The following CTXND1 variants were observed in gnomAD, a reference collection of about 807,000 sequenced individuals.
CTXND1 encodes the protein cortexin domain-containing 1 protein.
At chr15:80,250,543 C>G (rs980376845) in intron 1 of CTXND1, among the ~76,000 whole-genome samples, 2 of 152,170 alleles carry the variant, frequency 1.3e-5, no homozygotes, top group African/African-American at 4.8e-5. Context: ...ACTGGGAAAA[C>G]TGATTGGGAA....
At chr15:80,226,173 T>C (rs750914318) in intron 1 of CTXND1, among the ~76,000 whole-genome samples, 7 of 152,182 alleles carry the variant, frequency 4.6e-5, no homozygotes, top group Non-Finnish European at 8.8e-5. Context: ...AATTGTCCAG[T>C]TGTAGTCAGT....
At chr15:80,218,338 C>A (rs1038974090) in intron 1 of CTXND1, among the ~76,000 whole-genome samples, 1 of 152,124 alleles carries the variant, frequency 6.6e-6, no homozygotes, top group African/African-American at 2.4e-5. Context: ...TGGAGTCTCG[C>A]TATGTTGCCT....
chr15:80,199,921 G>A lies in CTXND1; in HGVS notation c.*1849C>T, dbSNP rs1325068145. The A allele has an allele frequency of 3.9e-5, 6 of 152,312 alleles. No individual in the cohort carries two copies. Among genetic ancestry groups the A allele is most frequent in the Admixed American group, 2.6e-4 (4 of 15,284 alleles). The allele number at this position is 152,312 out of a possible 1,614,324, so 9.4% of individuals were successfully genotyped here. On this transcript the variant is annotated 3_prime_UTR_variant, in exon 3 of 3. Coordinates refer to ENST00000560778, the MANE Select transcript of CTXND1 (RefSeq NM_001352888.2). ...CAGGTCTCTTGGATGGGGATGGAAGGCCACAGCTTGGAGGGATGGAATAAA... is the reference window on the plus strand; with the variant it reads ...CAGGTCTCTTGGATGGGGATGGAAGACCACAGCTTGGAGGGATGGAATAAA...
chr15:80,199,005 A>T lies in CTXND1; in HGVS notation c.*2765T>A, dbSNP rs1451626635. On this transcript the variant is annotated 3_prime_UTR_variant, in exon 3 of 3. Transcript: ENST00000560778. ...AAAAAAATCTTGCATGAGGACAATG[A>T]TTAGAAGGGAATATATGGACACAAA... is the stretch of plus-strand genomic sequence containing the variant. 6.6e-6 allele frequency: 1 copy of T among 152,234 alleles called. No individual in the cohort carries two copies. Among genetic ancestry groups the T allele is most frequent in the Non-Finnish European group, 1.5e-5 (1 of 68,044 alleles). 9.4% of individuals were successfully genotyped at this position (152,234 alleles called of 1,614,324 possible). A position where few individuals can be genotyped will look rare whatever the true frequency, so the allele number is the denominator to read the frequency against.
At chr15:80,225,375 G>A (rs1439661421) in intron 1 of CTXND1, among the ~76,000 whole-genome samples, 1 of 151,822 alleles carries the variant, frequency 6.6e-6, no homozygotes, top group Non-Finnish European at 1.5e-5. Flanking sequence ...CATCTGGTGG[G>A]CACCTTTTAT....
chr15:80,205,272 A>G (rs1462524480), intron 1 of CTXND1, among the ~76,000 whole-genome samples: 1 of 152,158 alleles, frequency 6.6e-6, no homozygotes, highest in Non-Finnish European at 1.5e-5. Flanking sequence ...AGAATTTCCA[A>G]TCTTTTGTTT....
rs1324983142 is a variant in CTXND1, at chr15:80,201,280, C to A, written c.*490G>T. On this transcript the variant is annotated 3_prime_UTR_variant, in exon 3 of 3. Coordinates refer to ENST00000560778, the MANE Select transcript of CTXND1 (RefSeq NM_001352888.2). ...GAGACTCCCTCAACCCGCTTTCCCC[C>A]CTCACTGCCACACCACTGCTAGTCC... is the stretch of plus-strand genomic sequence containing the variant. 4 of 152,864 alleles carry A rather than the reference C, an allele frequency of 2.6e-5. No homozygotes were observed. The highest frequency in any genetic ancestry group is 5.8e-5 in the Non-Finnish European group (4 of 68,502). The allele number at this position is 152,864 out of a possible 1,614,324, so 9.5% of individuals were successfully genotyped here.
At chr15:80,248,245 A>G (rs1202527282) in intron 1 of CTXND1, among the ~76,000 whole-genome samples, 1 of 152,214 alleles carries the variant, frequency 6.6e-6, no homozygotes, top group Non-Finnish European at 1.5e-5. Flanking sequence ...CAGGCAGCCC[A>G]ACCTGGGAAC....
At chr15:80,251,399 T>G (rs1291168614) in intron 1 of CTXND1, among the ~76,000 whole-genome samples, 1 of 152,200 alleles carries the variant, frequency 6.6e-6, no homozygotes, top group Admixed American at 6.5e-5. Flanking sequence ...ACTTGACATT[T>G]CTTTAGAAAG....
At chr15:80,219,136 G>C (rs577050970) in intron 1 of CTXND1, among the ~76,000 whole-genome samples, 128 of 150,650 alleles carry the variant, frequency 8.5e-4, no homozygotes, top group African/African-American at 3.1e-3. Context: ...GTAGAGTGAG[G>C]GTCTCACTAC....
At chr15:80,246,085 A>G (rs1893625240) in intron 1 of CTXND1, among the ~76,000 whole-genome samples, 1 of 152,198 alleles carries the variant, frequency 6.6e-6, no homozygotes, top group Non-Finnish European at 1.5e-5. Context: ...TCCACCTAGC[A>G]CATCTGTAAT....
chr15:80,222,475 CCTAA>C (rs1335623120), intron 1 of CTXND1, among the ~76,000 whole-genome samples: 1 of 152,114 alleles, frequency 6.6e-6, no homozygotes. Flanking sequence ...CAAATGTAAC[CCTAA>C]CTCTCTAATA....
chr15:80,242,158 T>C (rs539323198), intron 1 of CTXND1, among the ~76,000 whole-genome samples: 7 of 152,174 alleles, frequency 4.6e-5, no homozygotes, highest in Non-Finnish European at 1.0e-4. Flanking sequence ...AGGCTGCACT[T>C]TGACCTGCAT....
At chr15:80,223,823 A>T (rs1444487167) in intron 1 of CTXND1, among the ~76,000 whole-genome samples, 3 of 151,852 alleles carry the variant, frequency 2.0e-5, no homozygotes, top group Non-Finnish European at 4.4e-5. Context: ...AAAAAAAAAA[A>T]AAATACCCAA....
chr15:80,244,812 C>A (rs35719728), intron 1 of CTXND1, among the ~76,000 whole-genome samples: 13,421 of 152,160 alleles, frequency 0.088, 622 homozygotes, highest in Middle Eastern at 0.12. Flanking sequence ...CCCCTAACAC[C>A]GTCGGCACCT....
At chr15:80,236,680 G>A (rs1204233649) in intron 1 of CTXND1, among the ~76,000 whole-genome samples, 1 of 152,030 alleles carries the variant, frequency 6.6e-6, no homozygotes, top group Non-Finnish European at 1.5e-5. Context: ...CTACTTGGGA[G>A]GCTGAGACAG....
intron 1 of CTXND1, among the ~76,000 whole-genome samples, chr15:80,204,004 T>C (rs960600033): frequency 5.3e-5 from 8 of 150,748 alleles, no homozygotes; most frequent in Non-Finnish European, 1.0e-4. Flanking sequence ...CTACAAAAAG[T>C]ACAAAAAGTT....
chr15:80,251,687 C>T (rs1893697980), intron 1 of CTXND1, among the ~76,000 whole-genome samples: 1 of 152,176 alleles, frequency 6.6e-6, no homozygotes, highest in African/African-American at 2.4e-5. Flanking sequence ...TTCTGAGCCC[C>T]GAGCCCCGCA....
chr15:80,219,081 A>G (rs1164562780), intron 1 of CTXND1, among the ~76,000 whole-genome samples: 1 of 150,354 alleles, frequency 6.7e-6, no homozygotes, highest in Non-Finnish European at 1.5e-5. Context: ...ACAGGTGCGC[A>G]CTACCACTCC....
Sources: allele counts gnomAD v4.1 joint callset (sites outside exome capture counted in the v4.1 genomes callset), GRCh38; gene constraint gnomAD v4.1.1; transcripts MANE v1.5; gene names NCBI Gene and HGNC (gene_info 2026-07-23, HGNC 2026-07-21).